The following PCDH11X variants were observed in gnomAD, a reference collection of about 807,000 sequenced individuals.
PCDH11X encodes protocadherin 11 X-linked.
In PCDH11X, 18 loss-of-function variants were observed where a neutral mutation model predicts 53.3. That is an observed-to-expected ratio of 0.34 (90% CI 0.23 to 0.50). The LOEUF is 0.50. PCDH11X is among the 20% of genes least tolerant of loss of function. The probability of loss-of-function intolerance (pLI) is 0.98; values close to 1 mark genes in which losing one functional copy is unlikely to be tolerated. For missense variants in PCDH11X, 570 were observed against 1,032.4 expected, an observed-to-expected ratio of 0.55 and a Z score of 6.14; for synonymous variants, 279 against 393.3, an observed-to-expected ratio of 0.71 and a Z score of 3.44.
At chrX:91,827,936 C>G (rs1005996427) in intron 4 of PCDH11X, among the ~76,000 whole-genome samples, 1 of 107,366 alleles carries the variant, frequency 9.3e-6, no homozygotes, top group African/African-American at 3.4e-5. Flanking sequence ...TTTTTTTGTT[C>G]CATATGAATT....
chrX:91,785,729 A>T (rs2147510993), intron 1 of PCDH11X, among the ~76,000 whole-genome samples: 1 of 108,873 alleles, frequency 9.2e-6, no homozygotes, highest in South Asian at 4.0e-4. Context: ...ACTAGGTAAG[A>T]TGTCTTGATG....
intron 10 of PCDH11X, among the ~76,000 whole-genome samples, chrX:92,497,417 A>AT (rs368282010): frequency 0.072 from 7,573 of 105,256 alleles, 594 homozygotes; most frequent in African/African-American, 0.23. Context: ...CTTTGTAAGA[A>AT]TTTTTTTTTT....
intron 6 of PCDH11X, chrX:92,113,246 A>G: frequency 8.4e-7 from 1 of 1,194,039 alleles, no homozygotes; most frequent in Non-Finnish European, 1.1e-6. Flanking sequence ...AGCCCCTCAG[A>G]TGAGGTCAGC....
At chrX:92,018,394 A>G (rs1200698194) in intron 6 of PCDH11X, among the ~76,000 whole-genome samples, 2 of 112,298 alleles carry the variant, frequency 1.8e-5, no homozygotes, top group African/African-American at 3.2e-5. Flanking sequence ...GCATTTTTTA[A>G]TGGTAATGTT....
intron 9 of PCDH11X, among the ~76,000 whole-genome samples, chrX:92,411,884 A>AAAG (rs200802828): frequency 5.1e-5 from 4 of 77,967 alleles, no homozygotes; most frequent in Non-Finnish European, 9.4e-5. Flanking sequence ...AGAAGAAGAA[A>AAAG]AAGAAGAAGA....
intron 6 of PCDH11X, among the ~76,000 whole-genome samples, chrX:91,923,609 C>T (rs3899339): frequency 0.21 from 21,356 of 103,570 alleles, 2,281 homozygotes; most frequent in Admixed American, 0.47. Flanking sequence ...TTTTGGAACT[C>T]GGACTGGCTT....
At chrX:92,552,240 A>G (rs1374759435) in intron 10 of PCDH11X, among the ~76,000 whole-genome samples, 1 of 95,526 alleles carries the variant, frequency 1.0e-5, no homozygotes, top group Non-Finnish European at 2.2e-5. Context: ...AGTGTTTTAT[A>G]GCTTTCATTA....
At chrX:92,411,502 C>G (rs1238352681) in intron 9 of PCDH11X, among the ~76,000 whole-genome samples, 29 of 108,913 alleles carry the variant, frequency 2.7e-4, no homozygotes, top group Admixed American at 2.6e-3. Flanking sequence ...TTGTTCAACT[C>G]CCACTTATGA....
intron 6 of PCDH11X, among the ~76,000 whole-genome samples, chrX:92,038,193 A>T (rs1429681281): frequency 1.8e-5 from 2 of 111,505 alleles, no homozygotes; most frequent in African/African-American, 6.5e-5. Flanking sequence ...TTGCACAAGT[A>T]ACAAGGAGCC....
chrX:92,170,186 C>T (rs1451989271), intron 6 of PCDH11X, among the ~76,000 whole-genome samples: 1 of 111,148 alleles, frequency 9.0e-6, no homozygotes, highest in Admixed American at 9.7e-5. Flanking sequence ...ATCTGAGAAT[C>T]CCAAGGAACT....
intron 6 of PCDH11X, among the ~76,000 whole-genome samples, chrX:91,987,227 G>A (rs1242200622): frequency 9.0e-6 from 1 of 110,848 alleles, no homozygotes; most frequent in East Asian, 2.9e-4. Flanking sequence ...TGGTATTACA[G>A]GTGCCTGTCA....
chrX:92,412,003 A>AGAAGAAGAAGAAGAAGGGGAGGAGGAG (rs2071680867), intron 9 of PCDH11X, among the ~76,000 whole-genome samples: 3 of 7,938 alleles, frequency 3.8e-4, no homozygotes, highest in African/African-American at 2.5e-3. Flanking sequence ...AGGAGGAGGA[A>AGAAGAAGAAGAAGAAGGGGAGGAGGAG]GAAGAAGAAG....
chrX:91,874,359 T>G (rs1471049508), intron 5 of PCDH11X, among the ~76,000 whole-genome samples: 1 of 110,422 alleles, frequency 9.1e-6, no homozygotes, highest in East Asian at 2.8e-4. Context: ...TTTTCAAATA[T>G]AAATACGTAT....
At chrX:92,580,534 T>A (rs748703957) in intron 10 of PCDH11X, among the ~76,000 whole-genome samples, 3 of 110,035 alleles carry the variant, frequency 2.7e-5, no homozygotes, top group African/African-American at 1.0e-4. Context: ...CCACAGCCAC[T>A]GTGCGGTGCT....
chrX:92,191,755 G>T (rs1285625323), intron 6 of PCDH11X, among the ~76,000 whole-genome samples: 1 of 112,021 alleles, frequency 8.9e-6, no homozygotes. Flanking sequence ...TATCTCCATA[G>T]AATACTTTTA....
chrX:91,815,659 CAG>C (rs1936428768), intron 4 of PCDH11X, among the ~76,000 whole-genome samples: 1 of 106,407 alleles, frequency 9.4e-6, no homozygotes, highest in African/African-American at 3.5e-5. Flanking sequence ...GCACACAACA[CAG>C]AAATAAAAGT....
At chrX:91,894,927 A>AAAC (rs748999588) in intron 6 of PCDH11X, among the ~76,000 whole-genome samples, 1 of 111,018 alleles carries the variant, frequency 9.0e-6, no homozygotes, top group South Asian at 3.9e-4. Flanking sequence ...CACATTAAAG[A>AAAC]AACATGCTGT....
chrX:92,124,646 A>G (rs1207661649), intron 6 of PCDH11X, among the ~76,000 whole-genome samples: 1 of 109,720 alleles, frequency 9.1e-6, no homozygotes, highest in African/African-American at 3.3e-5. Flanking sequence ...ATTTAGTCCC[A>G]GGCCATTTGG....
At chrX:91,999,208 C>T (rs2147957841) in intron 6 of PCDH11X, among the ~76,000 whole-genome samples, 1 of 111,632 alleles carries the variant, frequency 9.0e-6, no homozygotes, top group African/African-American at 3.3e-5. Flanking sequence ...AGCCACCATC[C>T]CCAGCCTTAA....
Sources: gnomAD v4.1 joint callset for allele counts (sites outside exome capture counted in the v4.1 genomes callset) on GRCh38, gnomAD v4.1.1 for gene constraint, MANE v1.5 for transcripts, NCBI Gene and HGNC (gene_info 2026-07-23, HGNC 2026-07-21) for gene names.